The following TPRG1 variants were observed in gnomAD, a reference collection of about 807,000 sequenced individuals.
The protein encoded by TPRG1 is tumor protein p63 regulated 1.
A neutral mutation model predicts 29.3 loss-of-function variants in TPRG1; 29 were observed. The ratio of observed to expected loss-of-function variants is 0.99; its 90% CI spans 0.74 to 1.35. TPRG1 has a LOEUF of 1.35. Ranked by LOEUF, TPRG1 falls within the 40% of genes most tolerant of loss-of-function variation. The pLI is 0.00. For missense variants in TPRG1, 327 were observed against 335.0 expected, an observed-to-expected ratio of 0.98 and a Z score of 0.19; for synonymous variants, 130 against 116.8, an observed-to-expected ratio of 1.11 and a Z score of -0.73.
upstream of TPRG1, among the ~76,000 whole-genome samples, chr3:189,097,662 C>T (rs1031474135): frequency 6.6e-6 from 1 of 152,144 alleles, no homozygotes; most frequent in Non-Finnish European, 1.5e-5. Context: ...AATAGTTGTT[C>T]ATGGCCGTGA....
At chr3:189,094,571 A>G (rs1718550530) in intron 4 of TPRG1, among the ~76,000 whole-genome samples, 1 of 151,824 alleles carries the variant, frequency 6.6e-6, no homozygotes, top group African/African-American at 2.4e-5. Context: ...AAATCCCTCC[A>G]CCTCCTCACA....
rs541267112 is a variant in TPRG1, at chr3:189,039,296, C to T, written c.-463+15350C>T. On this transcript the variant is annotated intron_variant, in intron 4 of 10. Coordinates refer to the TPRG1 transcript ENST00000433971. Reference sequence around the variant, plus strand: ...TTCAGTAAGAAGAAAGCAAAGGTTACTTCCATTCCACCCCAGTCCTAGGCA... The same window carrying T: ...TTCAGTAAGAAGAAAGCAAAGGTTATTTCCATTCCACCCCAGTCCTAGGCA... 1.1e-4 allele frequency among the ~76,000 whole-genome samples: 16 copies of T among 152,344 alleles called. No individual in the cohort carries two copies. The South Asian group carries it at 1.5e-3, about 14-fold the overall frequency.
chr3:189,129,949 C>T lies in TPRG1; in HGVS notation c.-589-2450C>T, dbSNP rs570429703. On this transcript the variant is annotated intron_variant, in intron 2 of 6. Coordinates refer to the TPRG1 transcript ENST00000412373. Reference sequence around the variant, plus strand: ...AAATGCACAAAAAATCTCATGGAGGCTGATAAATCAAAGATAATACTTAAG... The same window carrying T: ...AAATGCACAAAAAATCTCATGGAGGTTGATAAATCAAAGATAATACTTAAG... Among the ~76,000 whole-genome samples the T allele has an allele frequency of 1.9e-3, 285 of 152,242 alleles. 1 individual carries two copies. The highest frequency in any genetic ancestry group is 0.017 in the South Asian group (81 of 4,826).
At chr3:189,059,267 C>T (rs573273441) in intron 4 of TPRG1, among the ~76,000 whole-genome samples, 11 of 152,264 alleles carry the variant, frequency 7.2e-5, no homozygotes, top group South Asian at 2.1e-4. Flanking sequence ...TTAAGTACTT[C>T]ACAAATATTA....
intron 4 of TPRG1, among the ~76,000 whole-genome samples, chr3:189,296,159 A>G (rs891054508): frequency 6.6e-6 from 1 of 152,196 alleles, no homozygotes; most frequent in African/African-American, 2.4e-5. Context: ...TCATCAGGAG[A>G]GTTTGTTCTC....
chr3:189,152,401 A>G (rs1726051478), intron 5 of TPRG1, among the ~76,000 whole-genome samples: 1 of 152,194 alleles, frequency 6.6e-6, no homozygotes, highest in Non-Finnish European at 1.5e-5. Flanking sequence ...TCTCCAAATT[A>G]GAGGGAACCC....
chr3:189,102,571 A>C (rs186358822), intron 1 of TPRG1, among the ~76,000 whole-genome samples: 59 of 152,244 alleles, frequency 3.9e-4, no homozygotes, highest in Non-Finnish European at 6.3e-4. Context: ...TCAGGCCCTC[A>C]TCCCTTCACG....
At chr3:189,042,785 T>G (rs936930421) in intron 4 of TPRG1, among the ~76,000 whole-genome samples, 4 of 152,024 alleles carry the variant, frequency 2.6e-5, no homozygotes, top group Non-Finnish European at 5.9e-5. Context: ...TATAACAACA[T>G]GTAATCTGCT....
At chr3:189,049,547 G>A (rs572970284) in intron 4 of TPRG1, among the ~76,000 whole-genome samples, 2 of 152,142 alleles carry the variant, frequency 1.3e-5, no homozygotes, top group African/African-American at 2.4e-5. Context: ...CCCACCTGAC[G>A]GTCCTTCCCT....
intron 5 of TPRG1, among the ~76,000 whole-genome samples, chr3:189,154,478 G>A (rs1190840162): frequency 6.7e-6 from 1 of 149,678 alleles, no homozygotes; most frequent in Non-Finnish European, 1.5e-5. Context: ...GTCTTGCACT[G>A]TCACCCAGGC....
At chr3:189,078,526 G>A (rs549983181) in intron 4 of TPRG1, among the ~76,000 whole-genome samples, 22 of 152,236 alleles carry the variant, frequency 1.4e-4, no homozygotes, top group African/African-American at 4.1e-4. Context: ...CTGAATGAGC[G>A]AAGGAAGGTA....
chr3:189,163,251 C>T (rs4687023), intron 5 of TPRG1, among the ~76,000 whole-genome samples: 72,303 of 151,984 alleles, frequency 0.48, 18,081 homozygotes, highest in African/African-American at 0.63. Flanking sequence ...GCAGCCTGGG[C>T]GACAAGAGAG....
At chr3:189,017,067 T>C (rs191083942) in intron 3 of TPRG1, among the ~76,000 whole-genome samples, 1 of 152,152 alleles carries the variant, frequency 6.6e-6, no homozygotes, top group Non-Finnish European at 1.5e-5. Flanking sequence ...CTCTTTCAGG[T>C]ACCCCAATCA....
At position 189,194,425 on chromosome 3, in the gene TPRG1, G is replaced by A. The variant is rs139790467; in HGVS notation, c.-9-12951G>A. Among the ~76,000 whole-genome samples the A allele has an allele frequency of 2.8e-3, 420 of 152,284 alleles. 3 individuals are homozygous for A. The highest frequency in any genetic ancestry group is 1.4e-3 in the Non-Finnish European group (95 of 68,028). On this transcript the variant is annotated intron_variant, in intron 1 of 5. Coordinates refer to ENST00000345063, the MANE Select transcript of TPRG1 (RefSeq NM_198485.4). ...GTAATCATAGCAGCTGTGGTGCAAAGGTCCTGGGCTCAGTGTTACATGAAC... is the reference window on the plus strand; with the variant it reads ...GTAATCATAGCAGCTGTGGTGCAAAAGTCCTGGGCTCAGTGTTACATGAAC...
chr3:189,078,137 C>CTTTCTTTCTTT (rs1325600410), intron 4 of TPRG1, among the ~76,000 whole-genome samples: 28 of 50,068 alleles, frequency 5.6e-4, no homozygotes, highest in African/African-American at 1.6e-3. Context: ...TTCTTTCTTT[C>CTTTCTTTCTTT]CTTTCTTTTT....
At chr3:189,030,580 T>A (rs1444104067) in intron 4 of TPRG1, among the ~76,000 whole-genome samples, 2 of 152,116 alleles carry the variant, frequency 1.3e-5, no homozygotes, top group African/African-American at 4.8e-5. Context: ...TTGCTAAAGG[T>A]GTTACTCCAA....
At chr3:189,065,142 A>G (rs142005746) in intron 4 of TPRG1, among the ~76,000 whole-genome samples, 393 of 152,254 alleles carry the variant, frequency 2.6e-3, no homozygotes, top group South Asian at 4.6e-3. Flanking sequence ...ATGCTAGTAC[A>G]CTTGATTCTG....
At chr3:189,130,718 T>C (rs1239335731) in intron 2 of TPRG1, among the ~76,000 whole-genome samples, 1 of 152,206 alleles carries the variant, frequency 6.6e-6, no homozygotes, top group African/African-American at 2.4e-5. Flanking sequence ...CATAATGTGA[T>C]GTGAAGAGTA....
intron 2 of TPRG1, among the ~76,000 whole-genome samples, chr3:189,127,652 G>C (rs1258107466): frequency 1.3e-5 from 2 of 152,134 alleles, no homozygotes; most frequent in Admixed American, 1.3e-4. Context: ...AAGGTCTTAA[G>C]GTCTTTTTAT....
Sources: allele counts gnomAD v4.1 joint callset (sites outside exome capture counted in the v4.1 genomes callset), GRCh38; gene constraint gnomAD v4.1.1; transcripts MANE v1.5; gene names NCBI Gene and HGNC (gene_info 2026-07-23, HGNC 2026-07-21).